RELL1: variants seen among roughly 807,000 people sequenced by gnomAD.
RELL1 encodes RELT-like protein 1.
A neutral mutation model predicts 23.0 loss-of-function variants in RELL1; 10 were observed. The ratio of observed to expected loss-of-function variants is 0.43; its 90% CI spans 0.27 to 0.74. The LOEUF (loss-of-function observed/expected upper bound fraction) is 0.74, where lower values mean the gene tolerates loss of function less well. RELL1 is among the 30% of genes least tolerant of loss of function. The probability of loss-of-function intolerance (pLI) is 0.19; values close to 1 mark genes in which losing one functional copy is unlikely to be tolerated. For missense variants in RELL1, 315 were observed against 364.4 expected, an observed-to-expected ratio of 0.86 and a Z score of 1.10; for synonymous variants, 146 against 146.8, an observed-to-expected ratio of 0.99 and a Z score of 0.04.
chr4:37,660,718 G>A (rs765340606), intron 1 of RELL1, among the ~76,000 whole-genome samples: 8 of 152,284 alleles, frequency 5.3e-5, no homozygotes, highest in Middle Eastern at 3.4e-3. Context: ...TACTGCACTT[G>A]CTCAAGGTCA....
intron 4 of RELL1, among the ~76,000 whole-genome samples, 153 bp downstream of exon 4, chr4:37,638,294 C>G (rs1046082089): frequency 3.9e-5 from 6 of 152,210 alleles, no homozygotes; most frequent in Non-Finnish European, 7.3e-5. Flanking sequence ...ATACACAGGA[C>G]AGTTCCGCAC....
rs559890106 is a variant in RELL1 at position 37,620,156 on chromosome 4, G to T, written c.*4-6814C>A. Among the ~76,000 whole-genome samples, 7 of 152,282 alleles carry T rather than the reference G, an allele frequency of 4.6e-5. No homozygotes were observed. The South Asian group carries it at 1.4e-3, about 32-fold the overall frequency. On this transcript the variant is annotated intron_variant, in intron 6 of 6. Transcript: ENST00000454158. The stretch of plus-strand genomic sequence containing the variant: ...TAGGTGTGTTTCTCCATTCAAAATA[G>T]AAATCACTTTTTTTAACTAGCATAG...
At chr4:37,639,605 C>T (rs1417842708) in intron 3 of RELL1, among the ~76,000 whole-genome samples, 1 of 151,908 alleles carries the variant, frequency 6.6e-6, no homozygotes, top group African/African-American at 2.4e-5. Context: ...TTTCTGCCTC[C>T]TTGTAGAGTG....
chr4:37,669,219 C>T (rs1349771375), intron 1 of RELL1, among the ~76,000 whole-genome samples: 7 of 129,094 alleles, frequency 5.4e-5, no homozygotes, highest in East Asian at 2.2e-4. Context: ...CCAGCCGCCC[C>T]GTCCGGGAGG....
At chr4:37,599,756 G>A (rs779937188) in intron 6 of RELL1, among the ~76,000 whole-genome samples, 39 of 152,092 alleles carry the variant, frequency 2.6e-4, no homozygotes, top group Admixed American at 5.9e-4. Flanking sequence ...TGCGGCAATC[G>A]TAAGACCATG....
downstream of RELL1, chr4:37,590,794 G>C: frequency 6.2e-7 from 1 of 1,614,134 alleles, no homozygotes; most frequent in East Asian, 2.2e-5. Context: ...TGAGGATGTG[G>C]AAACAGAAGT....
chr4:37,684,886 G>A (rs1722346619), intron 1 of RELL1, among the ~76,000 whole-genome samples: 1 of 152,186 alleles, frequency 6.6e-6, no homozygotes. Context: ...CAGAGAGCTG[G>A]AGGTTGCAGT....
At chr4:37,641,184 C>T (rs1720520056) in intron 3 of RELL1, among the ~76,000 whole-genome samples, 1 of 152,136 alleles carries the variant, frequency 6.6e-6, no homozygotes, top group East Asian at 1.9e-4. Flanking sequence ...TAAACATCCC[C>T]TTGGTTTGCT....
At chr4:37,622,857 T>A (rs1273438122) in intron 6 of RELL1, 1 of 449,170 alleles carries the variant, frequency 2.2e-6, no homozygotes, top group African/African-American at 2.1e-5. Flanking sequence ...CCGGCTGAAG[T>A]GCAGTGGCAT....
chr4:37,600,157 C>G (rs1174373238), intron 6 of RELL1, among the ~76,000 whole-genome samples: 2 of 151,722 alleles, frequency 1.3e-5, no homozygotes, highest in African/African-American at 4.8e-5. Flanking sequence ...GTAATCCCAG[C>G]TACTCTGGAG....
intron 4 of RELL1, 143 bp from the exon 5 acceptor site, chr4:37,635,266 CA>C (rs1333861315): frequency 9.3e-6 from 6 of 644,428 alleles, no homozygotes; most frequent in Non-Finnish European, 1.6e-5. Flanking sequence ...ACTTTGTGAA[CA>C]GACCTCAGAC....
At chr4:37,654,349 C>G (rs539839825) in intron 1 of RELL1, among the ~76,000 whole-genome samples, 1 of 152,184 alleles carries the variant, frequency 6.6e-6, no homozygotes, top group South Asian at 2.1e-4. Context: ...TTTCCACCAT[C>G]CCAGAAAGTT....
exon 7 of RELL1, chr4:37,591,078 G>C: frequency 8.0e-7 from 1 of 1,243,866 alleles, no homozygotes; most frequent in Non-Finnish European, 1.1e-6. Flanking sequence ...ATGCATAGCA[G>C]GTGATTCTGC....
chr4:37,679,965 A>C (rs1471119894), intron 1 of RELL1, among the ~76,000 whole-genome samples: 1 of 152,172 alleles, frequency 6.6e-6, no homozygotes, highest in Admixed American at 6.5e-5. Flanking sequence ...AAAAAAATTA[A>C]AAACCTCACA....
downstream of RELL1, among the ~76,000 whole-genome samples, chr4:37,607,101 A>G (rs951403082): frequency 1.3e-5 from 2 of 152,220 alleles, no homozygotes; most frequent in African/African-American, 4.8e-5. Context: ...AAAAGAACTG[A>G]TCAGTACATT....
At chr4:37,615,864 T>C (rs1303088390) in intron 6 of RELL1, among the ~76,000 whole-genome samples, 1 of 152,140 alleles carries the variant, frequency 6.6e-6, no homozygotes, top group African/African-American at 2.4e-5. Flanking sequence ...GACATAATCT[T>C]ATAAAGATAA....
intron 1 of RELL1, among the ~76,000 whole-genome samples, chr4:37,662,551 G>A (rs890071096): frequency 6.7e-6 from 1 of 149,038 alleles, no homozygotes; most frequent in Non-Finnish European, 1.5e-5. Flanking sequence ...ACTGAAACTT[G>A]AGTGATGTCA....
intron 1 of RELL1, among the ~76,000 whole-genome samples, chr4:37,663,649 T>C (rs1433858937): frequency 6.6e-6 from 1 of 152,122 alleles, no homozygotes; most frequent in Non-Finnish European, 1.5e-5. Context: ...ATGAGGAAAA[T>C]GAGGCACACG....
At chr4:37,679,646 T>A (rs1173568183) in intron 1 of RELL1, among the ~76,000 whole-genome samples, 2 of 152,188 alleles carry the variant, frequency 1.3e-5, no homozygotes, top group Non-Finnish European at 2.9e-5. Context: ...CAAGATAGAA[T>A]AATATATACC....
Sources: gnomAD v4.1 joint callset for allele counts (sites outside exome capture counted in the v4.1 genomes callset) on GRCh38, gnomAD v4.1.1 for gene constraint, MANE v1.5 for transcripts, NCBI Gene and HGNC (gene_info 2026-07-23, HGNC 2026-07-21) for gene names.